Variants in MED13 observed in about 807,000 individuals in gnomAD.
MED13 encodes mediator of RNA polymerase II transcription subunit 13.
In MED13, 23 loss-of-function variants were observed where a neutral mutation model predicts 225.2. The ratio of observed to expected loss-of-function variants is 0.10; its 90% CI spans 0.07 to 0.14. The LOEUF is 0.14. Ranked by LOEUF, MED13 falls within the 10% of genes least tolerant of loss-of-function variation. The pLI is 1.00. For synonymous variants in MED13, 942 were observed against 889.2 expected (o/e 1.06, Z -1.06); for missense variants, 2,197 against 2,594.5 (o/e 0.85, Z 3.33).
intron 2 of MED13, among the ~76,000 whole-genome samples, chr17:62,061,641 T>C (rs1048597072): frequency 6.6e-6 from 1 of 152,216 alleles, no homozygotes; most frequent in Non-Finnish European, 1.5e-5. Context: ...CACTTAACGA[T>C]TAAAATAACT....
chr17:62,063,751 G>C (rs952887855), intron 1 of MED13, among the ~76,000 whole-genome samples: 14 of 152,102 alleles, frequency 9.2e-5, no homozygotes, highest in African/African-American at 3.4e-4. Context: ...AACAAGTTCT[G>C]AAAAAATCTA....
intron 9 of MED13, among the ~76,000 whole-genome samples, chr17:62,008,242 C>T (rs1272829576): frequency 7.1e-6 from 1 of 141,426 alleles, no homozygotes; most frequent in South Asian, 2.2e-4. Context: ...TGGTGTGAAC[C>T]AGGAGGCGGA....
intron 28 of MED13, among the ~76,000 whole-genome samples, chr17:61,948,047 G>A (rs1210313245): frequency 6.6e-6 from 1 of 152,110 alleles, no homozygotes; most frequent in African/African-American, 2.4e-5. Context: ...GGAGTTATAA[G>A]CAAGTCTCAC....
chr17:62,042,267 T>C (rs1327803897), intron 3 of MED13, among the ~76,000 whole-genome samples: 2 of 152,132 alleles, frequency 1.3e-5, no homozygotes, highest in Non-Finnish European at 2.9e-5. Context: ...ATACAGTAAA[T>C]AATACTTAGA....
At chr17:62,028,859 A>G (rs897729264) in intron 8 of MED13, among the ~76,000 whole-genome samples, 2 of 152,082 alleles carry the variant, frequency 1.3e-5, no homozygotes, top group Non-Finnish European at 2.9e-5. Flanking sequence ...AATAAAAAAT[A>G]AAAAAAGATT....
chr17:61,986,517 T>C (rs1250734474), intron 12 of MED13, among the ~76,000 whole-genome samples: 2 of 152,178 alleles, frequency 1.3e-5, no homozygotes, highest in Admixed American at 6.5e-5. Flanking sequence ...TAAATATTAT[T>C]TTTTTCCTCT....
intron 2 of MED13, among the ~76,000 whole-genome samples, chr17:62,054,665 C>T (rs1253845020): frequency 6.6e-6 from 1 of 152,114 alleles, no homozygotes; most frequent in African/African-American, 2.4e-5. Flanking sequence ...TAATGAGGTC[C>T]TACCATTTCA....
chr17:62,044,879 C>T (rs983529920), intron 3 of MED13, among the ~76,000 whole-genome samples: 4 of 152,218 alleles, frequency 2.6e-5, no homozygotes, highest in African/African-American at 7.2e-5. Flanking sequence ...CCAGGCTAGT[C>T]TCGAACTCCT....
chr17:62,057,136 T>C (rs1312789541), intron 2 of MED13, among the ~76,000 whole-genome samples: 1 of 152,184 alleles, frequency 6.6e-6, no homozygotes, highest in Non-Finnish European at 1.5e-5. Flanking sequence ...CAATACAATT[T>C]TGCAAAACTA....
At chr17:62,055,748 G>A (rs2080991995) in intron 2 of MED13, among the ~76,000 whole-genome samples, 1 of 151,834 alleles carries the variant, frequency 6.6e-6, no homozygotes, top group Non-Finnish European at 1.5e-5. Context: ...ACTTGAACTG[G>A]GTGGCAGAGG....
chr17:62,046,756 G>A (rs919520112), intron 3 of MED13, among the ~76,000 whole-genome samples: 2 of 152,038 alleles, frequency 1.3e-5, no homozygotes, highest in African/African-American at 4.8e-5. Context: ...AGGACTACTT[G>A]AGCCTGGCAG....
intron 8 of MED13, among the ~76,000 whole-genome samples, chr17:62,027,972 T>C: frequency 6.6e-6 from 1 of 152,118 alleles, no homozygotes; most frequent in East Asian, 1.9e-4. Context: ...GAAGTGAAAA[T>C]AGTTCAACCA....
chr17:62,011,277 T>C (rs757941080), intron 8 of MED13, 44 bp from the exon 9 acceptor site: 2 of 1,525,198 alleles, frequency 1.3e-6, no homozygotes, highest in Non-Finnish European at 1.8e-6. Flanking sequence ...GTATCACTAT[T>C]ATGGCGAAGT....
intron 8 of MED13, among the ~76,000 whole-genome samples, chr17:62,011,654 T>C (rs999778714): frequency 1.3e-5 from 2 of 152,186 alleles, no homozygotes; most frequent in Non-Finnish European, 2.9e-5. Context: ...CTAAGCTTAG[T>C]CATCACCTAC....
intron 3 of MED13, among the ~76,000 whole-genome samples, chr17:62,038,283 C>A (rs564685005): frequency 1.1e-4 from 16 of 151,928 alleles, no homozygotes; most frequent in Non-Finnish European, 2.1e-4. Flanking sequence ...GTGGTCCCAG[C>A]TACTCGAGAG....
At chr17:62,065,111 C>G in intron 1 of MED13, 29 bp downstream of exon 1, 1 of 1,524,836 alleles carries the variant, frequency 6.6e-7, no homozygotes, top group South Asian at 1.2e-5. Flanking sequence ...GGCCCCCCTC[C>G]CTCGGCGCCC....
chr17:62,028,899 T>C (rs1412866891), intron 8 of MED13, among the ~76,000 whole-genome samples: 1 of 152,134 alleles, frequency 6.6e-6, no homozygotes, highest in Non-Finnish European at 1.5e-5. Flanking sequence ...GGCTCACACC[T>C]GTAATCATAG....
At chr17:62,031,383 A>G (rs2080754568) in intron 6 of MED13, 61 bp downstream of exon 6, 1 of 1,277,228 alleles carries the variant, frequency 7.8e-7, no homozygotes, top group Non-Finnish European at 1.1e-6. Context: ...TTATTTCTTA[A>G]GTACTTACTG....
intron 23 of MED13, among the ~76,000 whole-genome samples, chr17:61,957,203 C>T (rs1458429732): frequency 2.6e-5 from 4 of 151,856 alleles, no homozygotes; most frequent in Non-Finnish European, 4.4e-5. Flanking sequence ...CACACCACCA[C>T]GTCTAGCTAA....
Sources: allele counts gnomAD v4.1 joint callset (sites outside exome capture counted in the v4.1 genomes callset), GRCh38; gene constraint gnomAD v4.1.1; transcripts MANE v1.5; gene names NCBI Gene and HGNC (gene_info 2026-07-23, HGNC 2026-07-21).